Variants in PTPRD observed in about 807,000 individuals in gnomAD.
The protein encoded by PTPRD is protein tyrosine phosphatase receptor type D.
PTPRD carries 34 observed loss-of-function variants against 214.5 expected under a neutral mutation model. The ratio of observed to expected loss-of-function variants is 0.16; its 90% CI spans 0.12 to 0.21. The LOEUF (loss-of-function observed/expected upper bound fraction) is 0.21. Among genes scored for constraint, PTPRD ranks in the 10% least tolerant of loss-of-function variants. PTPRD has a pLI of 1.00. For missense variants in PTPRD, 2,545 were observed against 2,398.7 expected, an observed-to-expected ratio of 1.06 and a Z score of -1.27; for synonymous variants, 1,128 against 845.7, an observed-to-expected ratio of 1.33 and a Z score of -5.79.
chr9:9,476,254 T>G (rs998507111), intron 8 of PTPRD, among the ~76,000 whole-genome samples: 1 of 152,218 alleles, frequency 6.6e-6, no homozygotes. Context: ...TATTTTTTAC[T>G]GGATTTTGAG....
At chr9:9,217,457 A>C (rs748182282) in intron 9 of PTPRD, among the ~76,000 whole-genome samples, 8 of 152,056 alleles carry the variant, frequency 5.3e-5, no homozygotes, top group Non-Finnish European at 1.2e-4. Context: ...CCTGAGCAAC[A>C]CTCAAATTCA....
At chr9:8,760,325 T>C (rs1322155242) in intron 11 of PTPRD, among the ~76,000 whole-genome samples, 2 of 152,206 alleles carry the variant, frequency 1.3e-5, no homozygotes, top group African/African-American at 4.8e-5. Flanking sequence ...TCTAAACAGA[T>C]AAAAATAAGT....
chr9:10,285,897 T>C (rs1565034663), intron 3 of PTPRD, among the ~76,000 whole-genome samples: 3 of 152,044 alleles, frequency 2.0e-5, no homozygotes, highest in Non-Finnish European at 2.9e-5. Flanking sequence ...CGTGAGCTAC[T>C]GTGCCCGGCC....
intron 9 of PTPRD, among the ~76,000 whole-genome samples, chr9:9,283,259 T>C (rs1385240661): frequency 6.6e-6 from 1 of 151,504 alleles, no homozygotes; most frequent in Non-Finnish European, 1.5e-5. Context: ...TCCAAGACCC[T>C]GATAATTTAG....
chr9:9,077,151 T>C (rs924830219), intron 10 of PTPRD, among the ~76,000 whole-genome samples: 1 of 68,554 alleles, frequency 1.5e-5, no homozygotes, highest in Non-Finnish European at 3.4e-5. Context: ...AATCAGATTA[T>C]TAGTTTTTTT....
At chr9:9,784,665 G>C (rs1427101224) in intron 5 of PTPRD, among the ~76,000 whole-genome samples, 1 of 151,848 alleles carries the variant, frequency 6.6e-6, no homozygotes, top group African/African-American at 2.4e-5. Flanking sequence ...CAATTACAAA[G>C]TATTTGTTCA....
At chr9:9,494,943 G>A (rs1317832739) in intron 8 of PTPRD, among the ~76,000 whole-genome samples, 2 of 152,152 alleles carry the variant, frequency 1.3e-5, no homozygotes, top group Non-Finnish European at 1.5e-5. Flanking sequence ...TCAAAACAGT[G>A]TGGTACTAGT....
intron 9 of PTPRD, among the ~76,000 whole-genome samples, chr9:9,396,752 C>T (rs946955641): frequency 2.0e-5 from 3 of 151,984 alleles, no homozygotes; most frequent in African/African-American, 7.2e-5. Context: ...TCAATCTGCT[C>T]TAAACTGGTA....
chr9:9,369,277 C>A (rs1400712913), intron 9 of PTPRD, among the ~76,000 whole-genome samples: 1 of 152,040 alleles, frequency 6.6e-6, no homozygotes, highest in Non-Finnish European at 1.5e-5. Flanking sequence ...CCTGTTGTTT[C>A]CTGACTTTTT....
intron 10 of PTPRD, among the ~76,000 whole-genome samples, chr9:9,097,093 C>T (rs1333644619): frequency 6.6e-6 from 1 of 152,158 alleles, no homozygotes; most frequent in East Asian, 1.9e-4. Context: ...TATAAGGCAA[C>T]ATTTGGTTTG....
At chr9:8,490,168 C>T (rs1450256000) in intron 27 of PTPRD, among the ~76,000 whole-genome samples, 1 of 152,180 alleles carries the variant, frequency 6.6e-6, no homozygotes. Context: ...GGTCATTTTT[C>T]AGCAGGGTCT....
Position 8,340,352 on chromosome 9 carries a change from T to G in PTPRD, c.5244A>C (p.Glu1748Asp). 1 of 1,607,722 alleles carries G rather than the reference T, an allele frequency of 6.2e-7. No individual in the cohort carries two copies. The stretch of plus-strand genomic sequence containing the variant: ...AGGGCCACACACTTACTCTGCCCAT[T>G]TCACGCAGCTTGGTGAGCATCACAA... ...TIVVMLTKLR[E>D]MGREKCHQYW... Residue 1748 changes from glutamate (E) to aspartate (D), a missense_variant, in exon 42 of 46, where the codon GAA becomes GAC. By Grantham distance (45) the Glu-to-Asp change is conservative (BLOSUM62 2). Coordinates refer to ENST00000381196, the MANE Select transcript of PTPRD (RefSeq NM_002839.4).
At chr9:9,977,245 G>A (rs916972138) in intron 4 of PTPRD, among the ~76,000 whole-genome samples, 10 of 152,096 alleles carry the variant, frequency 6.6e-5, no homozygotes, top group African/African-American at 2.4e-4. Flanking sequence ...GTCTAAAGTA[G>A]AACTTACCAA....
chr9:9,553,013 G>A (rs1438787630), intron 8 of PTPRD, among the ~76,000 whole-genome samples: 3 of 152,004 alleles, frequency 2.0e-5, no homozygotes, highest in Admixed American at 2.0e-4. Context: ...TATGGACACT[G>A]GGACCATATT....
intron 36 of PTPRD, among the ~76,000 whole-genome samples, chr9:8,396,004 C>A (rs2091052488): frequency 6.6e-6 from 1 of 151,936 alleles, no homozygotes; most frequent in Admixed American, 6.6e-5. Flanking sequence ...GAGTTGTGGT[C>A]CAATTAGCTT....
At chr9:9,322,007 G>A (rs1966824262) in intron 9 of PTPRD, among the ~76,000 whole-genome samples, 1 of 152,122 alleles carries the variant, frequency 6.6e-6, no homozygotes, top group Non-Finnish European at 1.5e-5. Flanking sequence ...AGTCTTAAAA[G>A]TATTTGCCAT....
chr9:9,896,460 T>TC (rs2075002461), intron 5 of PTPRD, among the ~76,000 whole-genome samples: 1 of 152,100 alleles, frequency 6.6e-6, no homozygotes. Context: ...TCTTAGATAG[T>TC]GCTTTGAATT....
intron 9 of PTPRD, among the ~76,000 whole-genome samples, chr9:9,206,889 T>C (rs2099945206): frequency 6.6e-6 from 1 of 152,146 alleles, no homozygotes; most frequent in East Asian, 1.9e-4. Context: ...CTTGTGATTG[T>C]GTGAGTCAAT....
intron 3 of PTPRD, among the ~76,000 whole-genome samples, chr9:10,231,328 A>T (rs1435873251): frequency 6.7e-6 from 1 of 149,414 alleles, no homozygotes; most frequent in Non-Finnish European, 1.5e-5. Flanking sequence ...AAACACTCAG[A>T]GAACAAAGAA....
Sources: gnomAD v4.1 joint callset for allele counts (sites outside exome capture counted in the v4.1 genomes callset) on GRCh38, gnomAD v4.1.1 for gene constraint, MANE v1.5 for transcripts, NCBI Gene and HGNC (gene_info 2026-07-23, HGNC 2026-07-21) for gene names.